Variants in RALY observed in about 807,000 individuals in gnomAD.
RALY encodes RALY heterogeneous nuclear ribonucleoprotein, also known as RNA-binding protein Raly.
Under a neutral mutation model 30.7 loss-of-function variants are expected in RALY, and 15 were observed. The ratio of observed to expected loss-of-function variants is 0.49; its 90% CI spans 0.33 to 0.75. RALY has a LOEUF of 0.75. Ranked by LOEUF, RALY falls within the 30% of genes least tolerant of loss-of-function variation. The pLI is 0.02. For synonymous variants in RALY, 177 were observed against 170.8 expected, an observed-to-expected ratio of 1.04 and a Z score of -0.28; for missense variants, 339 against 414.3, an observed-to-expected ratio of 0.82 and a Z score of 1.58.
intron 1 of RALY, among the ~76,000 whole-genome samples, chr20:34,008,461 C>T (rs1346647529): frequency 2.6e-5 from 4 of 152,144 alleles, no homozygotes; most frequent in Non-Finnish European, 5.9e-5. Context: ...GTTCAGGGAG[C>T]AGAATTTTAA....
At chr20:34,076,315 C>T (rs764400646) in intron 6 of RALY, 37 of 531,900 alleles carry the variant, frequency 7.0e-5, no homozygotes, top group Non-Finnish European at 1.1e-4. Context: ...GACAGGTCTA[C>T]CCAGGCCCAT....
chr20:34,001,272 AAC>A (rs1360645817), intron 1 of RALY, among the ~76,000 whole-genome samples: 1 of 152,242 alleles, frequency 6.6e-6, no homozygotes, highest in Non-Finnish European at 1.5e-5. Context: ...AAAAATAAAA[AAC>A]ATTTTAAGAT....
chr20:34,030,478 C>T (rs2032226486), intron 1 of RALY, among the ~76,000 whole-genome samples: 1 of 152,210 alleles, frequency 6.6e-6, no homozygotes, highest in Non-Finnish European at 1.5e-5. Flanking sequence ...ACCATCCTCA[C>T]CCAGCAGAGG....
chr20:33,994,608 G>C (rs2030507295), intron 1 of RALY, among the ~76,000 whole-genome samples: 1 of 152,224 alleles, frequency 6.6e-6, no homozygotes, highest in South Asian at 2.1e-4. Context: ...AGCTTGTCCT[G>C]CCTCGGCTCC....
At chr20:34,054,926 T>G (rs188537633) in intron 2 of RALY, among the ~76,000 whole-genome samples, 1 of 152,346 alleles carries the variant, frequency 6.6e-6, no homozygotes, top group Admixed American at 6.5e-5. Flanking sequence ...TTGAGCTATC[T>G]GTTAAATGGG....
At chr20:34,020,871 T>C (rs1030739941) in intron 1 of RALY, among the ~76,000 whole-genome samples, 4 of 152,110 alleles carry the variant, frequency 2.6e-5, no homozygotes, top group Non-Finnish European at 5.9e-5. Flanking sequence ...AGAAGGGACA[T>C]GATTTAGTAG....
chr20:34,001,988 C>T (rs996093234), intron 1 of RALY, among the ~76,000 whole-genome samples: 3 of 152,094 alleles, frequency 2.0e-5, no homozygotes, highest in East Asian at 1.9e-4. Flanking sequence ...AGGATGGTCT[C>T]GATCTCCTGA....
At chr20:34,071,213 C>G (rs1247813720) in intron 2 of RALY, among the ~76,000 whole-genome samples, 1 of 152,102 alleles carries the variant, frequency 6.6e-6, no homozygotes, top group African/African-American at 2.4e-5. Context: ...TCGGGCTTAG[C>G]TAGCATACCC....
rs56113311 is a variant in RALY, at chr20:34,031,584, C to T, written c.-30C>T. On this transcript the variant is annotated 5_prime_UTR_variant, in exon 2 of 10. Transcript: ENST00000246194. ...GTAACCCAAAGGAGGAAACAGCTGG[C>T]TAAGCTCATCATTGTTACTGGTGAG... is the stretch of plus-strand genomic sequence containing the variant. The T allele has an allele frequency of 6.6e-6, 1 of 152,144 alleles. No individual in the cohort carries two copies. The highest frequency in any genetic ancestry group is 1.5e-5 in the Non-Finnish European group (1 of 68,058). The allele number at this position is 152,144 out of a possible 1,614,324, so 9.4% of individuals were successfully genotyped here.
chr20:34,026,540 C>T (rs970414542), intron 1 of RALY, among the ~76,000 whole-genome samples: 1 of 151,000 alleles, frequency 6.6e-6, no homozygotes, highest in African/African-American at 2.4e-5. Context: ...GTAGCTGGGA[C>T]TACAGGCGCC....
At chr20:34,053,964 C>A (rs1174230136) in intron 2 of RALY, among the ~76,000 whole-genome samples, 1 of 152,186 alleles carries the variant, frequency 6.6e-6, no homozygotes, top group Non-Finnish European at 1.5e-5. Context: ...AGTCTCTGGG[C>A]TGCAGACTCA....
intron 1 of RALY, among the ~76,000 whole-genome samples, chr20:34,030,840 C>T (rs1322010300): frequency 2.6e-5 from 4 of 152,296 alleles, no homozygotes; most frequent in Non-Finnish European, 4.4e-5. Context: ...TTGCTATTCT[C>T]TCCCTGGAAC....
chr20:34,039,841 G>A (rs1306614451), intron 2 of RALY, among the ~76,000 whole-genome samples: 3 of 152,122 alleles, frequency 2.0e-5, no homozygotes, highest in Non-Finnish European at 4.4e-5. Context: ...GGCTGGGCGC[G>A]GTGGCTCATG....
intron 2 of RALY, among the ~76,000 whole-genome samples, chr20:34,043,055 G>C (rs557506926): frequency 6.6e-6 from 1 of 152,370 alleles, no homozygotes; most frequent in East Asian, 1.9e-4. Context: ...GCAGCTTTCT[G>C]CTCAGGGAAC....
At chr20:34,071,034 A>G (rs780530726) in intron 2 of RALY, among the ~76,000 whole-genome samples, 6 of 152,106 alleles carry the variant, frequency 3.9e-5, no homozygotes, top group African/African-American at 1.2e-4. Flanking sequence ...ACACACGTCT[A>G]AACACCAGAT....
chr20:34,025,606 A>T (rs2031991847), intron 1 of RALY, among the ~76,000 whole-genome samples: 1 of 151,962 alleles, frequency 6.6e-6, no homozygotes, highest in African/African-American at 2.4e-5. Context: ...ACCTGGCCCA[A>T]CACCTTTCGG....
chr20:34,009,829 C>T (rs1297341124), intron 1 of RALY, among the ~76,000 whole-genome samples: 1 of 152,124 alleles, frequency 6.6e-6, no homozygotes, highest in East Asian at 1.9e-4. Flanking sequence ...TGTCAGTTGC[C>T]GTTTATCACC....
At chr20:34,077,305 A>G in intron 8 of RALY, 60 bp downstream of exon 8, 1 of 1,602,046 alleles carries the variant, frequency 6.2e-7, no homozygotes, top group Admixed American at 1.7e-5. Context: ...TCAGGAGGCC[A>G]ACAGGGGAAT....
chr20:34,046,563 G>A (rs952028045), intron 2 of RALY, among the ~76,000 whole-genome samples: 1 of 152,158 alleles, frequency 6.6e-6, no homozygotes, highest in Non-Finnish European at 1.5e-5. Flanking sequence ...TCTTGGGAGG[G>A]TTTCTGTGTG....
Sources: allele counts gnomAD v4.1 joint callset (sites outside exome capture counted in the v4.1 genomes callset), GRCh38; gene constraint gnomAD v4.1.1; transcripts MANE v1.5; gene names NCBI Gene and HGNC (gene_info 2026-07-23, HGNC 2026-07-21).